NAV1: variants seen among roughly 807,000 people sequenced by gnomAD.
The protein encoded by NAV1 is neuron navigator 1, also known as pore membrane and/or filament interacting like protein 3.
NAV1 carries 18 observed loss-of-function variants against 175.2 expected under a neutral mutation model. That is an observed-to-expected ratio of 0.10 (90% confidence interval 0.07 to 0.15). The LOEUF (loss-of-function observed/expected upper bound fraction) is 0.15. Ranked by LOEUF, NAV1 falls within the 10% of genes least tolerant of loss-of-function variation. NAV1 has a pLI of 1.00. For synonymous variants in NAV1, 897 were observed against 978.7 expected (o/e 0.92, Z 1.56); for missense variants, 1,731 against 2,436.6 (o/e 0.71, Z 6.10).
chr1:201,587,262 AT>A (rs900763079), intron 1 of NAV1, among the ~76,000 whole-genome samples: 6 of 151,728 alleles, frequency 4.0e-5, no homozygotes, highest in African/African-American at 1.5e-4. Flanking sequence ...AGTTTACCAC[AT>A]TAAAAAAAAA....
At chr1:201,640,249 C>T (rs76440197) in intron 2 of NAV1, among the ~76,000 whole-genome samples, 2,944 of 152,268 alleles carry the variant, frequency 0.019, 83 homozygotes, top group African/African-American at 0.067. Context: ...GAGGGTGAGC[C>T]GGGGACCTGC....
chr1:201,579,370 T>C (rs1449620718), intron 1 of NAV1, among the ~76,000 whole-genome samples: 3 of 152,168 alleles, frequency 2.0e-5, no homozygotes, highest in Non-Finnish European at 4.4e-5. Flanking sequence ...CCTTTTTTTA[T>C]TTTGAGACAG....
At position 201,648,828 on chromosome 1, in the gene NAV1, G is replaced by C; in HGVS notation, c.160G>C (p.Gly54Arg). The C allele has an allele frequency of 1.9e-6, 3 of 1,595,790 alleles. 1 individual carries two copies. The South Asian group carries it at 3.3e-5, about 18-fold the overall frequency. ...GCGCGCCAAGGCGCCCGGCGGCGGC[G>C]GCGGCATGGCCAAGGCCAGCGCGGC... Residue 54 changes from glycine (G) to arginine (R), a missense_variant, in exon 1 of 30, where the codon GGC (glycine) becomes CGC (arginine). Physicochemically the swap from Gly to Arg is moderately radical, Grantham distance 125. This residue lies in a region of NAV1 where 487 missense variants were observed against 581.3 expected (regional missense o/e 0.84). Transcript: ENST00000367296.
intron 1 of NAV1, among the ~76,000 whole-genome samples, chr1:201,689,998 G>T (rs991910480): frequency 1.1e-4 from 16 of 149,564 alleles, no homozygotes; most frequent in East Asian, 4.0e-4. Context: ...GCCTGTCCAT[G>T]CAGTGTGTGT....
In NAV1 at chr1:201,808,941, C is replaced by A; in HGVS notation, c.4207+70C>A. On this transcript the variant is annotated intron_variant, in intron 20 of 29. Transcript: ENST00000367296. The surrounding 1 kb of genome is among the most constrained non-coding windows in gnomAD (Gnocchi z 5.5). ...GGGCTTATTTCACTGTTACACCATTCCACTTGCTTTGGTCAGGGCGGTAAC... is the reference window on the plus strand; with the variant it reads ...GGGCTTATTTCACTGTTACACCATTACACTTGCTTTGGTCAGGGCGGTAAC... 6.5e-7 allele frequency: 1 copy of A among 1,540,844 alleles called. No homozygotes were observed. The highest frequency in any genetic ancestry group is 1.4e-5 in the African/African-American group (1 of 73,164).
At chr1:201,744,929 G>A (rs1403224353) in intron 3 of NAV1, among the ~76,000 whole-genome samples, 5 of 152,182 alleles carry the variant, frequency 3.3e-5, no homozygotes, top group Non-Finnish European at 7.4e-5. Context: ...AATCCTATCT[G>A]GAGGTCTTTG....
At chr1:201,567,475 C>G (rs915680103) in intron 1 of NAV1, among the ~76,000 whole-genome samples, 2 of 152,164 alleles carry the variant, frequency 1.3e-5, no homozygotes, top group Non-Finnish European at 2.9e-5. Context: ...AGGACTGAGG[C>G]GAAGCGAGCC....
intron 2 of NAV1, among the ~76,000 whole-genome samples, chr1:201,713,232 A>G (rs1204374911): frequency 2.0e-5 from 3 of 152,226 alleles, no homozygotes; most frequent in Non-Finnish European, 2.9e-5. Flanking sequence ...AGTCTCCTTC[A>G]TTAGACCTCT....
chr1:201,739,634 A>G (rs967878562), intron 3 of NAV1: 2 of 260,018 alleles, frequency 7.7e-6, no homozygotes, highest in Non-Finnish European at 1.3e-5. Flanking sequence ...CCCAGGGGTT[A>G]ATTTCGGAGC....
chr1:201,774,632 A>C (rs1032530536), intron 3 of NAV1, among the ~76,000 whole-genome samples: 1 of 152,292 alleles, frequency 6.6e-6, no homozygotes, highest in Non-Finnish European at 1.5e-5. Flanking sequence ...CTCAAAAAAA[A>C]TATTATCTAG....
At chr1:201,550,010 CAAAAAAAAAAAA>C (rs1186985996) in intron 1 of NAV1, among the ~76,000 whole-genome samples, 1 of 17,696 alleles carries the variant, frequency 5.7e-5, no homozygotes, top group Non-Finnish European at 1.1e-4. Flanking sequence ...GACTCCATCT[CAAAAAAAAAAAA>C]AAAAAAAAAA....
upstream of NAV1, among the ~76,000 whole-genome samples, chr1:201,620,453 CTTT>C (rs71861939): frequency 4.2e-5 from 4 of 94,532 alleles, no homozygotes; most frequent in African/African-American, 1.5e-4. Flanking sequence ...GACATATACT[CTTT>C]TTTTTTTTTT....
In NAV1 at chr1:201,800,974, G is replaced by A. The variant is rs191802433; in HGVS notation, c.3518-2619G>A. On this transcript the variant is annotated intron_variant, in intron 15 of 29. Transcript: ENST00000367296. ...CAGCCAAGTAGCTGGGACCACAGGC[G>A]TGTGCCACCACACTCAGCTAATTTT... is the stretch of plus-strand genomic sequence containing the variant. Among the ~76,000 whole-genome samples, 479 of 152,090 alleles carry A rather than the reference G, an allele frequency of 3.1e-3. 1 individual carries two copies. The highest frequency in any genetic ancestry group is 0.011 in the African/African-American group (466 of 41,478).
intron 3 of NAV1, among the ~76,000 whole-genome samples, chr1:201,775,790 G>T (rs1270484617): frequency 6.6e-6 from 1 of 152,172 alleles, no homozygotes; most frequent in Non-Finnish European, 1.5e-5. Flanking sequence ...GGGCGCAGTG[G>T]CTCGCAACTG....
intron 1 of NAV1, among the ~76,000 whole-genome samples, chr1:201,671,751 A>G (rs1670052562): frequency 6.6e-6 from 1 of 152,200 alleles, no homozygotes; most frequent in Non-Finnish European, 1.5e-5. Context: ...TCTGGTCAGC[A>G]GACCTGGCCA....
At chr1:201,649,744 T>C (rs934429032) in intron 1 of NAV1, among the ~76,000 whole-genome samples, 1 of 152,160 alleles carries the variant, frequency 6.6e-6, no homozygotes, top group Non-Finnish European at 1.5e-5. Flanking sequence ...AATCCCAATA[T>C]GGCAAAACCT....
intron 6 of NAV1, 88 bp from the exon 11 acceptor site, chr1:201,783,318 C>CAA (rs1184878563): frequency 3.0e-6 from 4 of 1,326,706 alleles, no homozygotes; most frequent in Non-Finnish European, 4.2e-6. Context: ...AGGCAGAAAA[C>CAA]AAGACTGGAT....
At chr1:201,781,265 C>G (rs1676306142) in exon 5 of NAV1, 1 of 1,613,658 alleles carries the variant, frequency 6.2e-7, no homozygotes, top group Non-Finnish European at 8.5e-7. Flanking sequence ...GTGGCTGTAA[C>G]TTCCCCCATC....
intron 3 of NAV1, among the ~76,000 whole-genome samples, chr1:201,763,083 C>T (rs893364736): frequency 2.0e-5 from 3 of 152,194 alleles, no homozygotes; most frequent in Admixed American, 6.5e-5. Context: ...AAAATAAGGT[C>T]ACTCACATCA....
Sources: allele counts gnomAD v4.1 joint callset (sites outside exome capture counted in the v4.1 genomes callset), GRCh38; gene constraint gnomAD v4.1.1; regional missense constraint gnomAD v4.1.1; non-coding constraint Gnocchi (gnomAD v3.1); transcripts MANE v1.5; gene names NCBI Gene and HGNC (gene_info 2026-07-23, HGNC 2026-07-21).